The following RERG variants were observed in gnomAD, a reference collection of about 807,000 sequenced individuals.
RERG encodes the protein RAS like estrogen regulated growth inhibitor.
RERG carries 25 observed loss-of-function variants against 23.2 expected under a neutral mutation model. The observed-to-expected ratio is 1.08, with a 90% CI of 0.79 to 1.50. The LOEUF (loss-of-function observed/expected upper bound fraction) is 1.50. Among genes scored for constraint, RERG ranks in the 40% most tolerant of loss-of-function variants. The probability of loss-of-function intolerance (pLI) is 0.00; values close to 1 mark genes in which losing one functional copy is unlikely to be tolerated. For synonymous variants in RERG, 81 were observed against 89.1 expected, an observed-to-expected ratio of 0.91 and a Z score of 0.51; for missense variants, 253 against 250.1, an observed-to-expected ratio of 1.01 and a Z score of -0.08.
chr12:15,181,125 T>G (rs1404484201), intron 2 of RERG, among the ~76,000 whole-genome samples: 2 of 152,130 alleles, frequency 1.3e-5, no homozygotes, highest in East Asian at 3.9e-4. Context: ...GAGACTCTAG[T>G]AAGCACAGCA....
At chr12:15,153,100 G>T (rs1180741078) in intron 2 of RERG, among the ~76,000 whole-genome samples, 1 of 152,066 alleles carries the variant, frequency 6.6e-6, no homozygotes, top group African/African-American at 2.4e-5. Context: ...AAAAAAATTC[G>T]CACCACAATT....
intron 2 of RERG, among the ~76,000 whole-genome samples, chr12:15,177,837 TTG>T (rs1044079962): frequency 4.2e-5 from 6 of 141,718 alleles, no homozygotes; most frequent in African/African-American, 7.8e-5. Context: ...CTCCCTCTGT[TTG>T]TTTTTTTTTT....
rs114267984 is a variant in RERG at position 15,172,115 on chromosome 12, T to C, written c.61+45314A>G. On this transcript the variant is annotated intron_variant, in intron 2 of 4. Coordinates refer to ENST00000256953, the MANE Select transcript of RERG (RefSeq NM_032918.3). The stretch of plus-strand genomic sequence containing the variant: ...TTCATCAACAAAAAGAAACCCCATA[T>C]GCATTAGCAGTCAATTCTCACTCCA... 3.3e-3 allele frequency among the ~76,000 whole-genome samples: 503 copies of C among 152,264 alleles called. 2 individuals carry two copies. The highest frequency in any genetic ancestry group is 0.011 in the African/African-American group (477 of 41,566).
intron 2 of RERG, among the ~76,000 whole-genome samples, chr12:15,215,717 T>G (rs1398216363): frequency 3.9e-5 from 6 of 151,934 alleles, no homozygotes. Flanking sequence ...GACGAAGACA[T>G]GCGTGAGGAA....
At position 15,177,824 on chromosome 12, in the gene RERG, T is replaced by C. The variant is rs547678577; in HGVS notation, c.61+39605A>G. On this transcript the variant is annotated intron_variant, in intron 2 of 4. Coordinates refer to ENST00000256953, the MANE Select transcript of RERG (RefSeq NM_032918.3). ...TGAAAAACTAAAATTGATATCTCTC[T>C]GGCTCCCTCTGTTTGTTTTTTTTTT... Among the ~76,000 whole-genome samples the C allele has an allele frequency of 2.1e-5, 3 of 146,038 alleles. 1 individual carries two copies. In the Admixed American group the frequency reaches 2.1e-4, roughly 10 times the overall value.
chr12:15,167,829 G>C (rs1864717918), intron 2 of RERG, among the ~76,000 whole-genome samples: 1 of 151,988 alleles, frequency 6.6e-6, no homozygotes, highest in Admixed American at 6.6e-5. Flanking sequence ...CCCATCTCTG[G>C]CTATTAAAAG....
chr12:15,198,922 C>G (rs966801753), intron 2 of RERG, among the ~76,000 whole-genome samples: 1 of 152,158 alleles, frequency 6.6e-6, no homozygotes, highest in African/African-American at 2.4e-5. Context: ...GGGTCACTTC[C>G]CTGTCTAAAG....
At chr12:15,179,581 T>C (rs962487426) in intron 2 of RERG, among the ~76,000 whole-genome samples, 9 of 152,224 alleles carry the variant, frequency 5.9e-5, no homozygotes, top group Non-Finnish European at 1.3e-4. Flanking sequence ...TTATCTTCCA[T>C]GTTTAGGTTA....
At chr12:15,136,978 T>A (rs1864154247) in intron 2 of RERG, among the ~76,000 whole-genome samples, 1 of 151,938 alleles carries the variant, frequency 6.6e-6, no homozygotes, top group Non-Finnish European at 1.5e-5. Context: ...GCTGGATCTC[T>A]CCATTTCTGA....
intron 2 of RERG, among the ~76,000 whole-genome samples, chr12:15,147,593 A>G (rs978488026): frequency 1.3e-5 from 2 of 152,240 alleles, no homozygotes; most frequent in Non-Finnish European, 2.9e-5. Flanking sequence ...CTAATCTAGA[A>G]CACTTGTTTC....
intron 2 of RERG, among the ~76,000 whole-genome samples, chr12:15,126,089 C>G (rs1365292810): frequency 3.0e-5 from 4 of 132,628 alleles, no homozygotes; most frequent in Non-Finnish European, 6.3e-5. Flanking sequence ...TTGTCTAAAC[C>G]CTTAATTTGA....
intron 2 of RERG, among the ~76,000 whole-genome samples, chr12:15,201,289 A>T (rs1031333007): frequency 6.6e-6 from 1 of 151,848 alleles, no homozygotes; most frequent in African/African-American, 2.4e-5. Context: ...TTTTGTTAGA[A>T]ATTTTTAGTT....
At chr12:15,109,643 A>G in intron 4 of RERG, 126 bp from the exon 5 acceptor site, 1 of 695,240 alleles carries the variant, frequency 1.4e-6, no homozygotes. Flanking sequence ...ATGTCGTGGT[A>G]CTCTAATTGT....
chr12:15,132,806 G>C (rs1358578348), intron 2 of RERG, among the ~76,000 whole-genome samples: 1 of 151,812 alleles, frequency 6.6e-6, no homozygotes, highest in Non-Finnish European at 1.5e-5. Context: ...CATGATATTG[G>C]GAATATTTTC....
At chr12:15,156,977 T>G (rs1864531795) in intron 2 of RERG, among the ~76,000 whole-genome samples, 1 of 152,162 alleles carries the variant, frequency 6.6e-6, no homozygotes, top group African/African-American at 2.4e-5. Flanking sequence ...CAGGCTCTGT[T>G]GTTAGAGGAT....
intron 1 of RERG, among the ~76,000 whole-genome samples, chr12:15,219,801 TTAA>T (rs1185973110): frequency 6.6e-6 from 1 of 152,214 alleles, no homozygotes; most frequent in African/African-American, 2.4e-5. Flanking sequence ...ATCTGTCTGA[TTAA>T]TGTTTCATGA....
chr12:15,166,359 C>T (rs1319814943), intron 2 of RERG, among the ~76,000 whole-genome samples: 1 of 152,168 alleles, frequency 6.6e-6, no homozygotes, highest in Non-Finnish European at 1.5e-5. Flanking sequence ...TTCCTTAATC[C>T]TATGTAGGTG....
rs112324647 is a variant in RERG at position 15,150,634 on chromosome 12, A to G, written c.62-29515T>C. ...CCTTGTGTGGCAGGGCCTTTATTTT[A>G]CAAAGAAGGAGACTGAAGCAGAGAC... On this transcript the variant is annotated intron_variant, in intron 2 of 4. Coordinates refer to ENST00000256953, the MANE Select transcript of RERG (RefSeq NM_032918.3). Among the ~76,000 whole-genome samples the G allele has an allele frequency of 5.3e-5, 8 of 152,330 alleles. 2 individuals are homozygous for G. The highest frequency in any genetic ancestry group is 1.9e-4 in the African/African-American group (8 of 41,582).
At chr12:15,141,766 C>A (rs1864242318) in intron 2 of RERG, among the ~76,000 whole-genome samples, 1 of 152,194 alleles carries the variant, frequency 6.6e-6, no homozygotes, top group Non-Finnish European at 1.5e-5. Flanking sequence ...GACTTACAAG[C>A]TCGTTCCATT....
Sources: gnomAD v4.1 joint callset for allele counts (sites outside exome capture counted in the v4.1 genomes callset) on GRCh38, gnomAD v4.1.1 for gene constraint, MANE v1.5 for transcripts, NCBI Gene and HGNC (gene_info 2026-07-23, HGNC 2026-07-21) for gene names.